Variants in CSMD2 observed in about 807,000 individuals in gnomAD.
CSMD2 encodes CUB and Sushi multiple domains 2.
In CSMD2, 130 loss-of-function variants were observed where a neutral mutation model predicts 398.5. The observed-to-expected ratio is 0.33, with a 90% CI of 0.28 to 0.38. The LOEUF (loss-of-function observed/expected upper bound fraction) is 0.38. CSMD2 is among the 10% of genes least tolerant of loss of function. The pLI is 1.00. For missense variants in CSMD2, 3,829 were observed against 4,764.9 expected, an observed-to-expected ratio of 0.80 and a Z score of 5.78; for synonymous variants, 1,828 against 1,908.5, an observed-to-expected ratio of 0.96 and a Z score of 1.10.
chr1:33,675,198 T>G (rs562018508), intron 25 of CSMD2, among the ~76,000 whole-genome samples: 2 of 151,902 alleles, frequency 1.3e-5, no homozygotes, highest in Non-Finnish European at 2.9e-5. Flanking sequence ...TCAACAAAAT[T>G]GATAGACTGC....
chr1:34,031,560 C>T (rs1044266070), intron 3 of CSMD2, among the ~76,000 whole-genome samples: 25 of 151,952 alleles, frequency 1.6e-4, no homozygotes, highest in African/African-American at 5.8e-4. Flanking sequence ...TTCCCAGGAG[C>T]CCCCAGTTGC....
At chr1:33,797,315 T>G (rs1655070751) in intron 10 of CSMD2, among the ~76,000 whole-genome samples, 1 of 152,222 alleles carries the variant, frequency 6.6e-6, no homozygotes, top group South Asian at 2.1e-4. Flanking sequence ...GCTGTAAAAT[T>G]CCTCTCTTTG....
chr1:33,753,763 C>T (rs1419679316), intron 13 of CSMD2, among the ~76,000 whole-genome samples: 1 of 152,262 alleles, frequency 6.6e-6, no homozygotes, highest in East Asian at 1.9e-4. Context: ...GAGTTCACCC[C>T]ATGCACCAAT....
intron 13 of CSMD2, among the ~76,000 whole-genome samples, chr1:33,750,734 T>A (rs928303781): frequency 6.6e-6 from 1 of 152,192 alleles, no homozygotes; most frequent in Non-Finnish European, 1.5e-5. Flanking sequence ...GAGGGTTGAT[T>A]GATCAATACC....
intron 2 of CSMD2, among the ~76,000 whole-genome samples, chr1:34,042,875 C>G (rs1235025888): frequency 2.0e-5 from 3 of 152,124 alleles, no homozygotes; most frequent in African/African-American, 7.2e-5. Flanking sequence ...CCAAGCTCTG[C>G]CTCCGGGGTT....
chr1:33,890,762 T>C (rs4653359), intron 5 of CSMD2, among the ~76,000 whole-genome samples: 123,975 of 151,276 alleles, frequency 0.82, 51,521 homozygotes, highest in African/African-American at 0.95. Flanking sequence ...ACTATCTGAT[T>C]TTTGACAAAC....
chr1:34,081,543 C>T (rs532736478), intron 2 of CSMD2, among the ~76,000 whole-genome samples: 3 of 152,282 alleles, frequency 2.0e-5, no homozygotes, highest in African/African-American at 4.8e-5. Context: ...CTCGGCCTGC[C>T]GAGTGCCTGG....
intron 19 of CSMD2, among the ~76,000 whole-genome samples, chr1:33,719,180 T>A (rs890995086): frequency 6.6e-6 from 1 of 152,214 alleles, no homozygotes; most frequent in African/African-American, 2.4e-5. Context: ...CATGCTCTAC[T>A]CCTGACATAC....
intron 1 of CSMD2, among the ~76,000 whole-genome samples, chr1:34,127,954 G>A (rs1343596549): frequency 6.6e-6 from 1 of 152,032 alleles, no homozygotes; most frequent in East Asian, 1.9e-4. Context: ...GCATGGCTGG[G>A]CACCACCACA....
At chr1:33,719,544 T>C (rs1446935412) in intron 19 of CSMD2, among the ~76,000 whole-genome samples, 1 of 152,216 alleles carries the variant, frequency 6.6e-6, no homozygotes. Context: ...AATCCAGATT[T>C]GATGTGACAG....
chr1:33,920,085 A>G (rs896384823), intron 4 of CSMD2, among the ~76,000 whole-genome samples: 4 of 152,178 alleles, frequency 2.6e-5, no homozygotes, highest in South Asian at 4.1e-4. Flanking sequence ...GTCAGGGAAG[A>G]CCCCACTGAG....
chr1:33,999,826 AAAG>A lies in CSMD2; in HGVS notation c.517+32765_517+32767del, dbSNP rs542894347. 1.2e-3 allele frequency among the ~76,000 whole-genome samples: 182 copies of A among 152,348 alleles called. 1 individual carries two copies. Among genetic ancestry groups the A allele is most frequent in the Admixed American group, 2.2e-3 (34 of 15,304 alleles). ...TCATAGCCTTGTTTATACTCAAAAA[AAAG>A]AAGAAGAAAAGGAAATAGCATTAAT... On this transcript the variant is annotated intron_variant, in intron 3 of 70. Transcript: ENST00000373381.
chr1:33,993,574 C>T (rs753482032), intron 3 of CSMD2, among the ~76,000 whole-genome samples: 4 of 152,124 alleles, frequency 2.6e-5, no homozygotes, highest in Non-Finnish European at 4.4e-5. Context: ...CTCTCTCTCT[C>T]GTCACTTCTT....
intron 5 of CSMD2, among the ~76,000 whole-genome samples, chr1:33,916,140 G>A (rs1222630846): frequency 6.6e-6 from 1 of 152,178 alleles, no homozygotes; most frequent in East Asian, 1.9e-4. Flanking sequence ...AGGCATCTGT[G>A]ATGGTACAGG....
At chr1:33,585,848 A>G (rs1352784945) in intron 46 of CSMD2, among the ~76,000 whole-genome samples, 1 of 152,214 alleles carries the variant, frequency 6.6e-6, no homozygotes, top group African/African-American at 2.4e-5. Flanking sequence ...TGGAGCAATT[A>G]CTGCATGCCA....
In CSMD2 at chr1:33,724,190, C is replaced by T; in HGVS notation, c.3001+7G>A. 1 of 1,601,194 alleles carries T rather than the reference C, an allele frequency of 6.2e-7. No homozygotes were observed. The highest frequency in any genetic ancestry group is 8.6e-7 in the Non-Finnish European group (1 of 1,168,288). On this transcript the variant is annotated splice_region_variant and intron_variant, in intron 19 of 70. Transcript: ENST00000373381. The stretch of plus-strand genomic sequence containing the variant: ...TCCCAATGCCTGCTATGGGCTGAAA[C>T]ACTCACCCTTGCCATGAGATGTTTC...
chr1:33,597,925 C>T (rs1639946659), intron 44 of CSMD2, among the ~76,000 whole-genome samples: 1 of 152,166 alleles, frequency 6.6e-6, no homozygotes, highest in South Asian at 2.1e-4. Flanking sequence ...CGTGCATCAA[C>T]ATGAATTTCA....
At chr1:34,096,425 A>G (rs1659312402) in intron 1 of CSMD2, among the ~76,000 whole-genome samples, 1 of 151,862 alleles carries the variant, frequency 6.6e-6, no homozygotes, top group African/African-American at 2.4e-5. Context: ...ATTAGGCAGG[A>G]GAAGGAAATA....
At chr1:33,920,037 G>C (rs940517968) in intron 4 of CSMD2, among the ~76,000 whole-genome samples, 3 of 152,188 alleles carry the variant, frequency 2.0e-5, no homozygotes, top group Non-Finnish European at 4.4e-5. Context: ...GGGCTATCTG[G>C]TGTTGGGAGT....
Sources: allele counts gnomAD v4.1 joint callset (sites outside exome capture counted in the v4.1 genomes callset), GRCh38; gene constraint gnomAD v4.1.1; transcripts MANE v1.5; gene names NCBI Gene and HGNC (gene_info 2026-07-23, HGNC 2026-07-21).